LIMD1: variants seen among roughly 807,000 people sequenced by gnomAD.
LIMD1 encodes the protein LIM domain-containing protein 1.
In LIMD1, 23 loss-of-function variants were observed where a neutral mutation model predicts 58.4. That is an observed-to-expected ratio of 0.39 (90% confidence interval 0.28 to 0.56). The LOEUF is 0.56. LIMD1 is among the 20% of genes least tolerant of loss of function. The pLI, the probability that LIMD1 is intolerant of heterozygous loss-of-function variation, is 0.57. For missense variants in LIMD1, 838 were observed against 855.5 expected (o/e 0.98, Z 0.25); for synonymous variants, 334 against 345.5 (o/e 0.97, Z 0.37).
chr3:45,614,758 A>T (rs1464029528), intron 1 of LIMD1, among the ~76,000 whole-genome samples: 1 of 115,240 alleles, frequency 8.7e-6, no homozygotes, highest in Non-Finnish European at 1.7e-5. Flanking sequence ...TAAAAAATAA[A>T]TTCCTGGGTG....
rs1697788403 is a variant in LIMD1, at chr3:45,684,646, A to C, written c.*7587A>C. 6.6e-6 allele frequency: 1 copy of C among 152,212 alleles called. No individual in the cohort carries two copies. Among genetic ancestry groups the C allele is most frequent in the Admixed American group, 6.5e-5 (1 of 15,278 alleles). The allele number at this position is 152,212 out of a possible 1,614,324, so 9.4% of individuals were successfully genotyped here. On this transcript the variant is annotated 3_prime_UTR_variant, in exon 8 of 8. Transcript: ENST00000273317. ...AAGAGGTGGTATTTGATTTACATAGAGCCCAAGGGATTGGTTTGACCAGGT... is the reference window on the plus strand; with the variant it reads ...AAGAGGTGGTATTTGATTTACATAGCGCCCAAGGGATTGGTTTGACCAGGT...
Position 45,682,165 on chromosome 3 carries a change from G to GTT in LIMD1, c.*5115_*5116dup. ...CATAGCACCTTACACCAGAATAAAA[G>GTT]TTTTTTTTTTCTTTTTAAGTGATGA... On this transcript the variant is annotated 3_prime_UTR_variant, in exon 8 of 8. Coordinates refer to ENST00000273317, the MANE Select transcript of LIMD1 (RefSeq NM_014240.3). 6.6e-6 allele frequency: 1 copy of GTT among 150,406 alleles called. No homozygotes were observed. The highest frequency in any genetic ancestry group is 1.5e-5 in the Non-Finnish European group (1 of 67,458). The allele number at this position is 150,406 out of a possible 1,614,324, so 9.3% of individuals were successfully genotyped here. A position where few individuals can be genotyped will look rare whatever the true frequency, so the allele number is the denominator to read the frequency against.
At chr3:45,664,961 G>A (rs1463681348) in intron 2 of LIMD1, among the ~76,000 whole-genome samples, 3 of 152,120 alleles carry the variant, frequency 2.0e-5, no homozygotes, top group Non-Finnish European at 4.4e-5. Flanking sequence ...ACCCTCTGCT[G>A]ACCTTGAGCT....
At chr3:45,607,192 C>T (rs538686310) in intron 1 of LIMD1, among the ~76,000 whole-genome samples, 4 of 152,294 alleles carry the variant, frequency 2.6e-5, no homozygotes, top group East Asian at 1.9e-4. Flanking sequence ...ATTTCCAAGG[C>T]GTGGCAACGC....
chr3:45,620,319 T>A (rs1701617810), intron 1 of LIMD1, among the ~76,000 whole-genome samples: 1 of 152,128 alleles, frequency 6.6e-6, no homozygotes, highest in Non-Finnish European at 1.5e-5. Flanking sequence ...AGAAGGGTAT[T>A]GTAACCCAGA....
rs191642497 is a variant in LIMD1 at position 45,683,107 on chromosome 3, A to G, written c.*6048A>G. On this transcript the variant is annotated 3_prime_UTR_variant, in exon 8 of 8. Transcript: ENST00000273317. Reference sequence around the variant, plus strand: ...ACCCTCCCTGCCTCCTTGTAAGGACACTTGGGATTACGCCCATCCAGATAA... The same window carrying G: ...ACCCTCCCTGCCTCCTTGTAAGGACGCTTGGGATTACGCCCATCCAGATAA... The G allele has an allele frequency of 8.5e-5, 13 of 152,326 alleles. No individual in the cohort carries two copies. The highest frequency in any genetic ancestry group is 3.1e-4 in the African/African-American group (13 of 41,544). 9.4% of individuals were successfully genotyped at this position (152,326 alleles called of 1,614,324 possible).
chr3:45,670,994 T>A (rs925722464), intron 4 of LIMD1, among the ~76,000 whole-genome samples: 3 of 152,208 alleles, frequency 2.0e-5, no homozygotes, highest in African/African-American at 7.2e-5. Context: ...CAAAATGGCA[T>A]CTTTTTCTAA....
intron 7 of LIMD1, among the ~76,000 whole-genome samples, chr3:45,676,524 A>C (rs1390326340): frequency 1.3e-5 from 2 of 151,612 alleles, no homozygotes; most frequent in African/African-American, 2.4e-5. Flanking sequence ...TCATTGTTCA[A>C]CTCCCACTTA....
intron 2 of LIMD1, among the ~76,000 whole-genome samples, chr3:45,657,852 T>A (rs2125666141): frequency 6.6e-6 from 1 of 152,364 alleles, no homozygotes; most frequent in African/African-American, 2.4e-5. Flanking sequence ...AATAATCAAT[T>A]CCTGTATCCT....
chr3:45,647,953 C>T (rs1042960273), intron 2 of LIMD1, among the ~76,000 whole-genome samples: 21 of 152,150 alleles, frequency 1.4e-4, no homozygotes, highest in African/African-American at 4.8e-4. Context: ...ACTCTCCCTT[C>T]AGTGTCTTCC....
At chr3:45,606,753 C>T (rs1701471359) in intron 1 of LIMD1, among the ~76,000 whole-genome samples, 1 of 152,172 alleles carries the variant, frequency 6.6e-6, no homozygotes, top group Non-Finnish European at 1.5e-5. Flanking sequence ...TCAGGAGCAA[C>T]CCCAGGCTGT....
At chr3:45,668,480 G>T in intron 4 of LIMD1, 124 bp downstream of exon 4, 1 of 726,252 alleles carries the variant, frequency 1.4e-6, no homozygotes. Flanking sequence ...GCTGGGCGCA[G>T]TGGCTCATGC....
intron 1 of LIMD1, among the ~76,000 whole-genome samples, chr3:45,621,438 A>G (rs1701627596): frequency 6.6e-6 from 1 of 151,850 alleles, no homozygotes; most frequent in African/African-American, 2.4e-5. Flanking sequence ...CAGGGGTCTT[A>G]CTCTGTTGCC....
At chr3:45,669,428 T>A (rs1409138060) in intron 4 of LIMD1, among the ~76,000 whole-genome samples, 1 of 152,240 alleles carries the variant, frequency 6.6e-6, no homozygotes, top group Admixed American at 6.5e-5. Flanking sequence ...TTTACCTTTT[T>A]ATTGAGAAAT....
rs750065786 is a variant in LIMD1 at position 45,595,421 on chromosome 3, A to G, written c.542A>G (p.Asp181Gly). The G allele has an allele frequency of 3.1e-6, 5 of 1,613,944 alleles. No individual in the cohort carries two copies. In the African/African-American group the frequency reaches 6.7e-5, roughly 22 times the overall value. ...PSCLTHGDYY[D>G]NLSLASPKWG... ...TGCCTCACTCATGGAGACTATTATG[A>G]CAACCTCTCCTTGGCAAGCCCAAAG... The change falls in exon 1 of 8, where the codon GAC (aspartate) becomes GGC (glycine). Residue 181 changes from aspartate to glycine, a missense_variant. By Grantham distance (94) the Asp-to-Gly change is moderately conservative. This residue lies in a region of LIMD1 where 659 missense variants were observed against 639.8 expected (regional missense o/e 1.03). Transcript: ENST00000273317.
chr3:45,654,975 A>G (rs956773778), intron 2 of LIMD1, among the ~76,000 whole-genome samples: 1 of 150,596 alleles, frequency 6.6e-6, no homozygotes, highest in Non-Finnish European at 1.5e-5. Context: ...GCTGGAGTAC[A>G]ATGGTGCAAT....
chr3:45,675,532 AAAAG>A (rs748216149), intron 7 of LIMD1, among the ~76,000 whole-genome samples: 5 of 152,160 alleles, frequency 3.3e-5, no homozygotes, highest in Non-Finnish European at 7.4e-5. Flanking sequence ...CCGTCTCAAA[AAAAG>A]AAAGAACTAT....
At chr3:45,666,199 T>C (rs912387062) in intron 3 of LIMD1, among the ~76,000 whole-genome samples, 3 of 152,158 alleles carry the variant, frequency 2.0e-5, no homozygotes, top group Non-Finnish European at 4.4e-5. Flanking sequence ...ACCATATTTC[T>C]GTGAAGCAGA....
chr3:45,596,478 G>A (rs1243433077), intron 1 of LIMD1, among the ~76,000 whole-genome samples, 191 bp downstream of exon 1: 1 of 152,162 alleles, frequency 6.6e-6, no homozygotes, highest in African/African-American at 2.4e-5. Context: ...GCATCCTGGG[G>A]CAGAAAGCGG....
Sources: allele counts gnomAD v4.1 joint callset (sites outside exome capture counted in the v4.1 genomes callset), GRCh38; gene constraint gnomAD v4.1.1; regional missense constraint gnomAD v4.1.1; transcripts MANE v1.5; gene names NCBI Gene and HGNC (gene_info 2026-07-23, HGNC 2026-07-21).